Variants in RIMS2 observed in about 807,000 individuals in gnomAD.
The protein encoded by RIMS2 is regulating synaptic membrane exocytosis protein 2.
In RIMS2, 59 loss-of-function variants were observed where a neutral mutation model predicts 174.4. The ratio of observed to expected loss-of-function variants is 0.34; its 90% CI spans 0.27 to 0.42. The LOEUF is 0.42. Ranked by LOEUF, RIMS2 falls within the 10% of genes least tolerant of loss-of-function variation. RIMS2 has a pLI of 1.00. For missense variants in RIMS2, 1,620 were observed against 1,666.3 expected, an observed-to-expected ratio of 0.97 and a Z score of 0.48; for synonymous variants, 606 against 572.5, an observed-to-expected ratio of 1.06 and a Z score of -0.84.
chr8:103,647,417 A>G (rs1210563679), intron 1 of RIMS2, among the ~76,000 whole-genome samples: 1 of 152,008 alleles, frequency 6.6e-6, no homozygotes, highest in Non-Finnish European at 1.5e-5. Flanking sequence ...AGGTTTTGGT[A>G]TCAGTATGAT....
At chr8:103,975,307 T>C in intron 15 of RIMS2, 43 bp from the exon 18 acceptor site, 1 of 1,427,170 alleles carries the variant, frequency 7.0e-7, no homozygotes, top group Non-Finnish European at 9.7e-7. Context: ...CAAAGGACTT[T>C]GTACATACAT....
intron 3 of RIMS2, among the ~76,000 whole-genome samples, chr8:103,866,946 A>G (rs2099087267): frequency 6.6e-6 from 1 of 151,970 alleles, no homozygotes; most frequent in South Asian, 2.1e-4. Flanking sequence ...ATATCTTGTC[A>G]TGAGGTTCTG....
At chr8:103,934,852 C>T (rs1196288101) in intron 12 of RIMS2, among the ~76,000 whole-genome samples, 1 of 152,106 alleles carries the variant, frequency 6.6e-6, no homozygotes, top group Non-Finnish European at 1.5e-5. Flanking sequence ...CACCTGCCAC[C>T]GTTCCTGGCT....
chr8:103,830,427 ATATCT>A (rs900103765), intron 3 of RIMS2, among the ~76,000 whole-genome samples: 1 of 152,152 alleles, frequency 6.6e-6, no homozygotes, highest in South Asian at 2.1e-4. Context: ...GGTGAGAGAA[ATATCT>A]TATTATTTTT....
At chr8:104,206,547 A>G (rs2099081073) in intron 19 of RIMS2, among the ~76,000 whole-genome samples, 1 of 152,258 alleles carries the variant, frequency 6.6e-6, no homozygotes, top group South Asian at 2.1e-4. Flanking sequence ...CTCATTATGT[A>G]CCACGCATTG....
intron 2 of RIMS2, among the ~76,000 whole-genome samples, chr8:103,758,612 G>C (rs75926707): frequency 1.3e-5 from 2 of 152,106 alleles, no homozygotes; most frequent in East Asian, 3.8e-4. Flanking sequence ...GGTACCTGCT[G>C]TTTGGCTGGG....
chr8:103,927,890 G>C lies in RIMS2; in HGVS notation c.2244+1G>C, dbSNP rs1161623135. The C allele has an allele frequency of 1.2e-6, 2 of 1,606,772 alleles. No individual in the cohort carries two copies. The highest frequency in any genetic ancestry group is 2.2e-5 in the East Asian group (1 of 44,638). ...AACGCCTTTTGTTCCTAGGGTTCAG[G>C]TAAAGGCCTTGTCTGCCTGATAGAA... On this transcript the variant is annotated splice_donor_variant, in intron 11 of 23. Transcript: ENST00000504942. LOFTEE classifies it high-confidence loss of function.
intron 1 of RIMS2, among the ~76,000 whole-genome samples, chr8:103,615,191 G>T (rs187437000): frequency 6.6e-6 from 1 of 152,130 alleles, no homozygotes; most frequent in Non-Finnish European, 1.5e-5. Context: ...CACACTGTCA[G>T]ACCATAGCGC....
At chr8:103,567,749 A>G (rs2092479567) in intron 1 of RIMS2, among the ~76,000 whole-genome samples, 1 of 152,176 alleles carries the variant, frequency 6.6e-6, no homozygotes, top group Non-Finnish European at 1.5e-5. Context: ...GACTTTTCCA[A>G]AGGGTTGCAC....
chr8:103,923,935 A>G lies in RIMS2; in HGVS notation c.2196+2151A>G, dbSNP rs147965556. Reference sequence around the variant, plus strand: ...TTCGAATCCTGATTTTTCTCTTAGTAATATTGTGGACTTTTTCCTGTCCTT... The same window carrying G: ...TTCGAATCCTGATTTTTCTCTTAGTGATATTGTGGACTTTTTCCTGTCCTT... On this transcript the variant is annotated intron_variant, in intron 10 of 23. Coordinates refer to ENST00000504942, the Ensembl canonical transcript of RIMS2. 2.5e-3 allele frequency among the ~76,000 whole-genome samples: 383 copies of G among 151,824 alleles called. 3 individuals are homozygous for G. The highest frequency in any genetic ancestry group is 0.013 in the South Asian group (63 of 4,818).
exon 1 of RIMS2, chr8:103,501,057 G>C: frequency 6.2e-7 from 1 of 1,600,858 alleles, no homozygotes; most frequent in Non-Finnish European, 8.5e-7. Flanking sequence ...AGCAGTCCGT[G>C]CTCAAGTAAG....
intron 10 of RIMS2, chr8:103,922,673 G>A: frequency 2.6e-6 from 1 of 382,152 alleles, no homozygotes; most frequent in South Asian, 1.9e-5. Flanking sequence ...ATTTGAGGCT[G>A]ATATTTTAAG....
intron 3 of RIMS2, among the ~76,000 whole-genome samples, chr8:103,794,988 G>C (rs1224551475): frequency 6.6e-6 from 1 of 152,178 alleles, no homozygotes; most frequent in Admixed American, 6.5e-5. Flanking sequence ...CTGTTGGTGG[G>C]ACTGTAAACT....
chr8:103,667,019 G>A (rs2136244344), intron 1 of RIMS2, among the ~76,000 whole-genome samples: 1 of 152,278 alleles, frequency 6.6e-6, no homozygotes, highest in South Asian at 2.1e-4. Context: ...CCAGGGAGAT[G>A]ACTATTATGA....
chr8:104,173,099 T>G lies in RIMS2; in HGVS notation c.3335-71817T>G, dbSNP rs543879400. On this transcript the variant is annotated intron_variant, in intron 19 of 23. Transcript: ENST00000504942. ...ATAAAATTACAATTTTCCTGCTTAC[T>G]ACATCTGCTTTTGGTGCATTTAACA... Among the ~76,000 whole-genome samples, 162 of 152,362 alleles carry G rather than the reference T, an allele frequency of 1.1e-3. 1 individual carries two copies. The highest frequency in any genetic ancestry group is 2.0e-3 in the Non-Finnish European group (136 of 68,026).
At chr8:103,794,734 C>A (rs980268041) in intron 3 of RIMS2, among the ~76,000 whole-genome samples, 1 of 152,048 alleles carries the variant, frequency 6.6e-6, no homozygotes, top group Non-Finnish European at 1.5e-5. Flanking sequence ...AACAAATTTA[C>A]AAGAAAAAAA....
intron 19 of RIMS2, among the ~76,000 whole-genome samples, chr8:104,178,437 T>C (rs946223161): frequency 4.6e-5 from 7 of 152,142 alleles, no homozygotes; most frequent in Non-Finnish European, 8.8e-5. Flanking sequence ...TTTTCCACCT[T>C]GTCTCCCGTT....
intron 14 of RIMS2, 98 bp from the exon 17 acceptor site, chr8:103,960,967 A>T: frequency 1.3e-6 from 1 of 741,590 alleles, no homozygotes; most frequent in Non-Finnish European, 2.4e-6. Context: ...TTATTAACTG[A>T]TTCACTCAGA....
intron 1 of RIMS2, among the ~76,000 whole-genome samples, chr8:103,599,840 C>T (rs995755797): frequency 2.0e-5 from 3 of 152,192 alleles, no homozygotes; most frequent in African/African-American, 7.2e-5. Flanking sequence ...ATAGTAATCA[C>T]ATCATGGAAA....
Sources: allele counts gnomAD v4.1 joint callset (sites outside exome capture counted in the v4.1 genomes callset), GRCh38; gene constraint gnomAD v4.1.1; transcripts MANE v1.5; gene names NCBI Gene and HGNC (gene_info 2026-07-23, HGNC 2026-07-21).